LPAR6: variants seen among roughly 807,000 people sequenced by gnomAD.
The protein encoded by LPAR6 is lysophosphatidic acid receptor 6, also known as G-protein coupled purinergic receptor P2Y5.
Under a neutral mutation model 22.0 loss-of-function variants are expected in LPAR6, and 17 were observed. That is an observed-to-expected ratio of 0.77 (90% CI 0.53 to 1.16). The LOEUF (loss-of-function observed/expected upper bound fraction) is 1.16. Among genes scored for constraint, LPAR6 ranks in the 50% most tolerant of loss-of-function variants. The probability of loss-of-function intolerance (pLI) is 0.00; values close to 1 mark genes in which losing one functional copy is unlikely to be tolerated. For missense variants in LPAR6, 384 were observed against 406.9 expected, an observed-to-expected ratio of 0.94 and a Z score of 0.48; for synonymous variants, 136 against 139.8, an observed-to-expected ratio of 0.97 and a Z score of 0.19.
intron 1 of LPAR6, among the ~76,000 whole-genome samples, chr13:48,404,022 A>G (rs1948716953): frequency 6.6e-6 from 1 of 152,088 alleles, no homozygotes; most frequent in African/African-American, 2.4e-5. Context: ...AAAAAAAAGC[A>G]CCTTCCTCTT....
Position 48,412,784 on chromosome 13 carries a change from C to T in LPAR6, c.-361G>A, listed in dbSNP as rs745345593. 4 of 287,704 alleles carry T rather than the reference C, an allele frequency of 1.4e-5. No homozygotes were observed. Among genetic ancestry groups the T allele is most frequent in the African/African-American group, 2.2e-5 (1 of 44,452 alleles). 17.8% of individuals were successfully genotyped at this position (287,704 alleles called of 1,614,324 possible). On this transcript the variant is annotated 5_prime_UTR_variant, in exon 1 of 1. It adds an upstream start codon to the 5' untranslated region. Coordinates refer to ENST00000620633, the MANE Select transcript of LPAR6 (RefSeq NM_001162498.3). The stretch of plus-strand genomic sequence containing the variant: ...GTGATCTGTGACCAGAATGAAACCA[C>T]TTGTCTTCTAAACTTGTATTTCAGT...
chr13:48,390,420 G>A (rs1948601812), intron 1 of LPAR6, among the ~76,000 whole-genome samples: 1 of 152,066 alleles, frequency 6.6e-6, no homozygotes, highest in Non-Finnish European at 1.5e-5. Context: ...CCTGGCCAAG[G>A]AGCCAGAAAG....
At chr13:48,390,324 T>C (rs1948601219) in intron 1 of LPAR6, among the ~76,000 whole-genome samples, 2 of 152,018 alleles carry the variant, frequency 1.3e-5, no homozygotes, top group Admixed American at 1.3e-4. Flanking sequence ...AGTCAAAGAG[T>C]TGTTTCACCT....
chr13:48,435,946 A>G (rs1437842865), intron 1 of LPAR6, among the ~76,000 whole-genome samples: 1 of 152,246 alleles, frequency 6.6e-6, no homozygotes, highest in East Asian at 1.9e-4. Flanking sequence ...AAGCAGCCCA[A>G]TTAAAAGGCA....
chr13:48,393,763 T>A (rs1213708823), intron 1 of LPAR6, among the ~76,000 whole-genome samples: 2 of 152,046 alleles, frequency 1.3e-5, no homozygotes, highest in Non-Finnish European at 2.9e-5. Context: ...AGTTATTAAC[T>A]ATTTTTTTGT....
intron 1 of LPAR6, among the ~76,000 whole-genome samples, chr13:48,393,682 A>G (rs557042219): frequency 1.3e-5 from 2 of 152,304 alleles, no homozygotes; most frequent in East Asian, 3.9e-4. Flanking sequence ...TGTTAAATGC[A>G]TCAGGTCTTC....
At chr13:48,435,674 T>A (rs971285918) in intron 1 of LPAR6, among the ~76,000 whole-genome samples, 3 of 152,194 alleles carry the variant, frequency 2.0e-5, no homozygotes, top group African/African-American at 7.2e-5. Flanking sequence ...TAAAAAATTA[T>A]AGTTTCACAT....
chr13:48,418,434 A>C (rs1948950914), intron 2 of LPAR6, among the ~76,000 whole-genome samples: 1 of 152,192 alleles, frequency 6.6e-6, no homozygotes, highest in South Asian at 2.1e-4. Context: ...AACATACCAA[A>C]TTGTAAAGAC....
chr13:48,393,541 G>A (rs1439041681), intron 1 of LPAR6, among the ~76,000 whole-genome samples: 4 of 152,152 alleles, frequency 2.6e-5, no homozygotes, highest in Non-Finnish European at 4.4e-5. Flanking sequence ...TTGTTTAAAC[G>A]AATCTGGTCC....
At chr13:48,405,637 C>A (rs1401542189) in intron 1 of LPAR6, among the ~76,000 whole-genome samples, 1 of 152,154 alleles carries the variant, frequency 6.6e-6, no homozygotes, top group Non-Finnish European at 1.5e-5. Flanking sequence ...AGCCTGCAAA[C>A]CGAAAATATT....
At chr13:48,409,143 C>CT (rs1948766127), downstream of LPAR6, among the ~76,000 whole-genome samples, 1 of 141,870 alleles carries the variant, frequency 7.0e-6, no homozygotes. Flanking sequence ...GGTTTTTTTT[C>CT]TTTTCTCTTT....
chr13:48,402,755 A>G (rs1383440578), intron 1 of LPAR6, among the ~76,000 whole-genome samples: 1 of 152,148 alleles, frequency 6.6e-6, no homozygotes, highest in Non-Finnish European at 1.5e-5. Context: ...TTAGGTAGCT[A>G]AGATTATATT....
At chr13:48,396,356 A>G (rs1948648130) in intron 1 of LPAR6, among the ~76,000 whole-genome samples, 1 of 152,202 alleles carries the variant, frequency 6.6e-6, no homozygotes, top group Admixed American at 6.5e-5. Context: ...ATCTACAACC[A>G]TCTGATTTTT....
At chr13:48,442,528 GTACTT>G (rs1462575767) in intron 1 of LPAR6, among the ~76,000 whole-genome samples, 29 of 152,262 alleles carry the variant, frequency 1.9e-4, no homozygotes, top group Middle Eastern at 3.4e-3. Context: ...CTTTCCTACT[GTACTT>G]AGGATAAATT....
At chr13:48,404,954 C>A (rs1431457118) in intron 1 of LPAR6, among the ~76,000 whole-genome samples, 4 of 152,000 alleles carry the variant, frequency 2.6e-5, no homozygotes, top group African/African-American at 9.7e-5. Flanking sequence ...TATTTTATAA[C>A]CTAAAATTTG....
At chr13:48,396,209 A>G (rs1168892159) in intron 1 of LPAR6, among the ~76,000 whole-genome samples, 4 of 152,218 alleles carry the variant, frequency 2.6e-5, no homozygotes, top group Non-Finnish European at 4.4e-5. Context: ...AGCAAAAAGA[A>G]CAAAGCTGGA....
intron 1 of LPAR6, among the ~76,000 whole-genome samples, chr13:48,425,433 T>C (rs1353769958): frequency 6.6e-6 from 1 of 152,230 alleles, no homozygotes; most frequent in African/African-American, 2.4e-5. Flanking sequence ...AAAGGCTGAA[T>C]TTGGTCATAA....
chr13:48,401,051 T>C (rs1209784659), intron 1 of LPAR6, among the ~76,000 whole-genome samples: 2 of 152,082 alleles, frequency 1.3e-5, no homozygotes, highest in Non-Finnish European at 2.9e-5. Context: ...TATATTACAG[T>C]TGGAATTTGT....
chr13:48,418,558 G>A (rs758743677), intron 2 of LPAR6, among the ~76,000 whole-genome samples: 1 of 151,988 alleles, frequency 6.6e-6, no homozygotes, highest in Non-Finnish European at 1.5e-5. Context: ...AAAGTAAACG[G>A]GCTAAGTGCC....
Sources: allele counts gnomAD v4.1 joint callset (sites outside exome capture counted in the v4.1 genomes callset), GRCh38; gene constraint gnomAD v4.1.1; transcripts MANE v1.5; gene names NCBI Gene and HGNC (gene_info 2026-07-23, HGNC 2026-07-21).